Variants in TJP1 observed in about 807,000 individuals in gnomAD.
The protein encoded by TJP1 is tight junction protein ZO-1.
TJP1 carries 43 observed loss-of-function variants against 194.2 expected under a neutral mutation model. The observed-to-expected ratio is 0.22, with a 90% confidence interval of 0.17 to 0.29. The LOEUF (loss-of-function observed/expected upper bound fraction) is 0.29. Ranked by LOEUF, TJP1 falls within the 10% of genes least tolerant of loss-of-function variation. The pLI is 1.00. For missense variants in TJP1, 1,971 were observed against 2,185.7 expected (o/e 0.90, Z 1.96); for synonymous variants, 801 against 779.0 (o/e 1.03, Z -0.47).
rs764176920 is a variant in TJP1, at chr15:29,766,548, A to G, written c.313-6T>C. On this transcript the variant is annotated splice_region_variant and splice_polypyrimidine_tract_variant and intron_variant, in intron 4 of 27. Coordinates refer to ENST00000614355, the MANE Select transcript of TJP1 (RefSeq NM_001330239.4). The stretch of plus-strand genomic sequence containing the variant: ...TTCTTCTTCCTTCTAATTGTCTGCA[A>G]GTTAAAAAGGTTAAAAAATAAGTTG... The G allele has an allele frequency of 6.5e-7, 1 of 1,532,826 alleles. No individual in the cohort carries two copies. The highest frequency in any genetic ancestry group is 2.2e-5 in the Admixed American group (1 of 46,400). 95.0% of individuals were successfully genotyped at this position (1,532,826 alleles called of 1,614,324 possible).
rs538870004 is a variant in TJP1, at chr15:29,900,111, G to A, written c.306+56121C>T. Reference sequence around the variant, plus strand: ...TCTTACAGGGGGTTCAGGCAAAGGTGACATGGAAATGAGACTGGAAGTAGT... The same window carrying A: ...TCTTACAGGGGGTTCAGGCAAAGGTAACATGGAAATGAGACTGGAAGTAGT... On this transcript the variant is annotated intron_variant, in intron 2 of 28. Transcript: ENST00000356107. Among the ~76,000 whole-genome samples the A allele has an allele frequency of 3.9e-5, 6 of 152,302 alleles. No individual in the cohort carries two copies. The East Asian group carries it at 1.2e-3, about 29-fold the overall frequency.
intron 1 of TJP1, among the ~76,000 whole-genome samples, chr15:29,819,169 A>C (rs1052694169): frequency 1.3e-5 from 2 of 152,060 alleles, no homozygotes; most frequent in Non-Finnish European, 2.9e-5. Context: ...TAGAATTTTT[A>C]TTGCTCTTTG....
In TJP1 at chr15:29,703,430, T is replaced by A. The variant is rs543407088; in HGVS notation, c.5212+732A>T. On this transcript the variant is annotated intron_variant, in intron 27 of 27. Transcript: ENST00000614355. ...TCCAGCCTGGGCGACAGAGCGAGAC[T>A]CCACCTCAAAAAACCAAATCAAAAC... is the stretch of plus-strand genomic sequence containing the variant. Among the ~76,000 whole-genome samples, 6 of 151,738 alleles carry A rather than the reference T, an allele frequency of 4.0e-5. No homozygotes were observed. In the South Asian group the frequency reaches 8.4e-4, roughly 21 times the overall value.
intron 26 of TJP1, 73 bp downstream of exon 26, chr15:29,705,455 A>AC: frequency 1.4e-6 from 2 of 1,446,418 alleles, no homozygotes; most frequent in East Asian, 2.4e-5. Flanking sequence ...TTAGCCAAGC[A>AC]CTATAAGCTC....
At chr15:29,831,086 C>G (rs996940274) in intron 2 of TJP1, among the ~76,000 whole-genome samples, 3 of 152,188 alleles carry the variant, frequency 2.0e-5, no homozygotes, top group African/African-American at 7.2e-5. Context: ...CAAACAATAA[C>G]CTATTGAACA....
intron 2 of TJP1, among the ~76,000 whole-genome samples, chr15:29,872,118 G>C (rs1201538166): frequency 2.0e-5 from 3 of 152,188 alleles, no homozygotes; most frequent in Non-Finnish European, 4.4e-5. Context: ...GAAGGCCTAT[G>C]AGGCTGTCAG....
At chr15:29,845,661 C>T (rs1472126766) in intron 2 of TJP1, among the ~76,000 whole-genome samples, 3 of 152,046 alleles carry the variant, frequency 2.0e-5, no homozygotes, top group East Asian at 3.9e-4. Flanking sequence ...AAAAATTAGC[C>T]GGGCGTGGTG....
intron 2 of TJP1, among the ~76,000 whole-genome samples, chr15:29,880,981 G>A (rs1302189699): frequency 6.6e-6 from 1 of 152,184 alleles, no homozygotes; most frequent in Non-Finnish European, 1.5e-5. Flanking sequence ...GCTAGATCGT[G>A]TAATTCTATT....
intron 10 of TJP1, among the ~76,000 whole-genome samples, chr15:29,739,504 C>T (rs1000896345): frequency 2.6e-5 from 4 of 151,466 alleles, no homozygotes; most frequent in African/African-American, 4.8e-5. Flanking sequence ...AGTGCAGTGG[C>T]GCGATCTCGG....
intron 2 of TJP1, among the ~76,000 whole-genome samples, chr15:29,883,262 G>A (rs933423344): frequency 3.4e-5 from 5 of 148,522 alleles, no homozygotes; most frequent in Admixed American, 6.8e-5. Flanking sequence ...CTTAAGTGAC[G>A]CTGGGTCCGT....
chr15:29,818,653 C>T (rs942989755), intron 1 of TJP1, among the ~76,000 whole-genome samples: 3 of 149,798 alleles, frequency 2.0e-5, no homozygotes, highest in Non-Finnish European at 4.4e-5. Flanking sequence ...TACAGGTGCT[C>T]GCCACCAGGC....
intron 4 of TJP1, among the ~76,000 whole-genome samples, chr15:29,768,837 G>GA (rs928672853): frequency 6.6e-6 from 1 of 151,384 alleles, no homozygotes; most frequent in Non-Finnish European, 1.5e-5. Flanking sequence ...AAATATTTAG[G>GA]AAAAAAAATG....
chr15:29,960,765 T>C (rs141385900), intron 1 of TJP1, among the ~76,000 whole-genome samples: 191 of 152,272 alleles, frequency 1.3e-3, no homozygotes, highest in South Asian at 7.7e-3. Context: ...TAACCAGGCT[T>C]CTACAGAGTA....
chr15:29,780,170 C>T (rs1346494170), intron 2 of TJP1, among the ~76,000 whole-genome samples: 3 of 152,206 alleles, frequency 2.0e-5, no homozygotes, highest in Middle Eastern at 6.8e-3. Flanking sequence ...AAGTACATTA[C>T]ATTTATTGTG....
chr15:29,808,883 G>GA (rs2049295154), intron 1 of TJP1, among the ~76,000 whole-genome samples: 1 of 152,068 alleles, frequency 6.6e-6, no homozygotes, highest in Admixed American at 6.5e-5. Context: ...AAAACCCTGG[G>GA]ACCGAATGCC....
chr15:29,859,597 G>C (rs565192965), intron 2 of TJP1, among the ~76,000 whole-genome samples: 7 of 151,966 alleles, frequency 4.6e-5, no homozygotes, highest in Non-Finnish European at 1.0e-4. Context: ...CTGTGAAACC[G>C]GGTTCCTCAG....
At position 29,704,145 on chromosome 15, in the gene TJP1, G is replaced by A; in HGVS notation, c.5212+17C>T. Reference sequence around the variant, plus strand: ...CAGTCCCCAAAGCTCCCAAAGGACAGAGTGAAGACAGCATACCCGACGAGG... The same window carrying A: ...CAGTCCCCAAAGCTCCCAAAGGACAAAGTGAAGACAGCATACCCGACGAGG... On this transcript the variant is annotated intron_variant, in intron 27 of 27. Coordinates refer to ENST00000614355, the MANE Select transcript of TJP1 (RefSeq NM_001330239.4). 2 of 1,551,798 alleles carry A rather than the reference G, an allele frequency of 1.3e-6. No individual in the cohort carries two copies. The highest frequency in any genetic ancestry group is 1.7e-6 in the Non-Finnish European group (2 of 1,146,600).
At chr15:29,856,758 G>A (rs902096500) in intron 2 of TJP1, among the ~76,000 whole-genome samples, 1 of 151,842 alleles carries the variant, frequency 6.6e-6, no homozygotes, top group Non-Finnish European at 1.5e-5. Flanking sequence ...CAGATCACGA[G>A]GTCAGGAGAT....
intron 2 of TJP1, among the ~76,000 whole-genome samples, chr15:29,928,634 A>G (rs1040622521): frequency 6.6e-5 from 10 of 152,198 alleles, no homozygotes; most frequent in African/African-American, 2.4e-4. Flanking sequence ...TTACTCTCAC[A>G]ATAGTAGAGT....
Sources: gnomAD v4.1 joint callset for allele counts (sites outside exome capture counted in the v4.1 genomes callset) on GRCh38, gnomAD v4.1.1 for gene constraint, MANE v1.5 for transcripts, NCBI Gene and HGNC (gene_info 2026-07-23, HGNC 2026-07-21) for gene names.